LOXL1: variants seen among roughly 807,000 people sequenced by gnomAD.
The protein encoded by LOXL1 is lysyl oxidase homolog 1.
Under a neutral mutation model 62.2 loss-of-function variants are expected in LOXL1, and 31 were observed. The ratio of observed to expected loss-of-function variants is 0.50; its 90% CI spans 0.37 to 0.67. The LOEUF is 0.67. LOXL1 is among the 30% of genes least tolerant of loss of function. The pLI, the probability that LOXL1 is intolerant of heterozygous loss-of-function variation, is 0.00. For synonymous variants in LOXL1, 403 were observed against 384.4 expected (o/e 1.05, Z -0.56); for missense variants, 775 against 843.4 (o/e 0.92, Z 1.00).
At chr15:73,942,771 C>T (rs2068723263) in intron 1 of LOXL1, 83 bp from the exon 2 acceptor site, 1 of 841,146 alleles carries the variant, frequency 1.2e-6, no homozygotes, top group African/African-American at 1.7e-5. Context: ...GAGGAGGTCT[C>T]TGGGCATTAG....
chr15:73,943,177 G>T (rs2141633550), intron 2 of LOXL1, among the ~76,000 whole-genome samples: 1 of 152,312 alleles, frequency 6.6e-6, no homozygotes, highest in African/African-American at 2.4e-5. Flanking sequence ...CAGCATTTCT[G>T]TATACTGTAC....
chr15:73,947,139 G>A lies in LOXL1; in HGVS notation c.1422G>A (p.Glu474=), dbSNP rs1319513018. Reference sequence around the variant, plus strand: ...CAGCCACAGGCAAGAAGGTGGCCGAGGGCCACAAGGCCAGTTTCTGCCTGG... The same window carrying A: ...CAGCCACAGGCAAGAAGGTGGCCGAAGGCCACAAGGCCAGTTTCTGCCTGG... The part of the protein sequence containing the change: ...LDAATGKKVA[E]GHKASFCLED... The change falls in exon 4 of 7, where the codon GAG becomes GAA. Residue 474 remains glutamate, a synonymous_variant. Transcript: ENST00000261921. The A allele has an allele frequency of 1.2e-6, 2 of 1,613,802 alleles. No individual in the cohort carries two copies. The highest frequency in any genetic ancestry group is 2.2e-5 in the South Asian group (2 of 91,052).
chr15:73,951,266 G>C (rs886251249), intron 6 of LOXL1, among the ~76,000 whole-genome samples: 1 of 152,190 alleles, frequency 6.6e-6, no homozygotes, highest in South Asian at 2.1e-4. Context: ...CAGCCTGCGC[G>C]GCCCTCCCAG....
rs962265490 is a variant in LOXL1, at chr15:73,952,024, T to C, written c.*187T>C. 1.9e-5 allele frequency: 8 copies of C among 424,872 alleles called. No homozygotes were observed. Among genetic ancestry groups the C allele is most frequent in the Non-Finnish European group, 3.3e-5 (8 of 241,196 alleles). 26.3% of individuals were successfully genotyped at this position (424,872 alleles called of 1,614,324 possible). A position where few individuals can be genotyped will look rare whatever the true frequency, so the allele number is the denominator to read the frequency against. On this transcript the variant is annotated 3_prime_UTR_variant, in exon 7 of 7. Transcript: ENST00000261921. ...CGGACGCCAGACCCCATTTTATACT[T>C]CACTTTTCTCTACAGTGTTGTTTTG... is the stretch of plus-strand genomic sequence containing the variant.
At chr15:73,929,003 C>G (rs562724175) in intron 1 of LOXL1, among the ~76,000 whole-genome samples, 17 of 152,306 alleles carry the variant, frequency 1.1e-4, no homozygotes, top group Admixed American at 9.1e-4. Flanking sequence ...TTGGGAAGGC[C>G]CAAGCCCTCT....
intron 1 of LOXL1, among the ~76,000 whole-genome samples, chr15:73,938,831 T>C (rs752725345): frequency 5.3e-5 from 8 of 152,088 alleles, no homozygotes; most frequent in Non-Finnish European, 1.0e-4. Flanking sequence ...CAGTTAGCCA[T>C]GTTCACGCCA....
chr15:73,927,542 G>T lies in LOXL1; in HGVS notation c.759G>T (p.Pro253=). The T allele has an allele frequency of 6.8e-7, 1 of 1,479,548 alleles. No individual in the cohort carries two copies. The highest frequency in any genetic ancestry group is 8.9e-7 in the Non-Finnish European group (1 of 1,120,704). 91.7% of individuals were successfully genotyped at this position (1,479,548 alleles called of 1,614,324 possible). A position where few individuals can be genotyped will look rare whatever the true frequency, so the allele number is the denominator to read the frequency against. The part of the protein sequence containing the change: ...LPEYPPQGFY[P]APERPYVPPP... Reference sequence around the variant, plus strand: ...AGTACCCGCCTCAGGGCTTCTACCCGGCCCCCGAGAGGCCCTACGTGCCGC... The same window carrying T: ...AGTACCCGCCTCAGGGCTTCTACCCTGCCCCCGAGAGGCCCTACGTGCCGC... The change falls in exon 1 of 7, where the codon CCG becomes CCT. Residue 253 remains proline (P), a synonymous_variant. Transcript: ENST00000261921.
At chr15:73,936,574 A>G (rs570658905) in intron 1 of LOXL1, among the ~76,000 whole-genome samples, 1 of 152,352 alleles carries the variant, frequency 6.6e-6, no homozygotes, top group East Asian at 1.9e-4. Context: ...GGCTCAAGAG[A>G]TTAGGGCTCT....
At chr15:73,931,922 G>A (rs918712814) in intron 1 of LOXL1, among the ~76,000 whole-genome samples, 1 of 152,178 alleles carries the variant, frequency 6.6e-6, no homozygotes, top group Non-Finnish European at 1.5e-5. Context: ...CCACTTCCTG[G>A]GCTTACTGAC....
intron 1 of LOXL1, among the ~76,000 whole-genome samples, chr15:73,932,411 A>G (rs1428786081): frequency 6.6e-6 from 1 of 152,156 alleles, no homozygotes; most frequent in East Asian, 1.9e-4. Context: ...AAATTTATAT[A>G]TTATTGCTTA....
intron 1 of LOXL1, among the ~76,000 whole-genome samples, chr15:73,933,687 G>A (rs1043587564): frequency 3.3e-5 from 5 of 152,242 alleles, no homozygotes; most frequent in Non-Finnish European, 5.9e-5. Flanking sequence ...TTTCTAAGCT[G>A]GGAACACATG....
chr15:73,944,709 C>G (rs2068736270), intron 2 of LOXL1, among the ~76,000 whole-genome samples: 1 of 152,248 alleles, frequency 6.6e-6, no homozygotes, highest in Non-Finnish European at 1.5e-5. Context: ...TGTGGCCAAG[C>G]TGGGCCTAGA....
rs1595849046 is a variant in LOXL1, at chr15:73,947,317, T to G, written c.1506+94T>G. 2.2e-6 allele frequency: 3 copies of G among 1,377,334 alleles called. No individual in the cohort carries two copies. In the East Asian group the frequency reaches 7.0e-5, roughly 32 times the overall value. 85.3% of individuals were successfully genotyped at this position (1,377,334 alleles called of 1,614,324 possible). On this transcript the variant is annotated intron_variant, in intron 4 of 6. Coordinates refer to ENST00000261921, the MANE Select transcript of LOXL1 (RefSeq NM_005576.4). ...GCTGAGGCCCGGCAAGTGCCAAGGCTTCTGGCCACTCAGCTCTGCTCACAG... is the reference window on the plus strand; with the variant it reads ...GCTGAGGCCCGGCAAGTGCCAAGGCGTCTGGCCACTCAGCTCTGCTCACAG...
intron 2 of LOXL1, among the ~76,000 whole-genome samples, chr15:73,944,724 A>AGACCCTT: frequency 6.6e-6 from 1 of 152,358 alleles, no homozygotes; most frequent in African/African-American, 2.4e-5. Flanking sequence ...CCTAGAACCT[A>AGACCCTT]GACCCTTATG....
intron 2 of LOXL1, among the ~76,000 whole-genome samples, chr15:73,944,136 A>C (rs1404370906): frequency 2.0e-5 from 3 of 152,218 alleles, no homozygotes; most frequent in Non-Finnish European, 4.4e-5. Flanking sequence ...AGTACCACTC[A>C]GCCAGCCTGT....
In LOXL1 at chr15:73,927,431, G is replaced by C; in HGVS notation, c.648G>C (p.Ala216=). ...RPAGGGVGAG[A]AAVASAGVIY... ...CGGGCGGCGGCGTGGGCGCGGGGGCGGCGGCCGTGGCCTCGGCGGGGGTCA... is the reference window on the plus strand; with the variant it reads ...CGGGCGGCGGCGTGGGCGCGGGGGCCGCGGCCGTGGCCTCGGCGGGGGTCA... The change falls in exon 1 of 7, where the codon GCG becomes GCC. Residue 216 remains alanine, a synonymous_variant. Transcript: ENST00000261921. 2 of 1,474,388 alleles carry C rather than the reference G, an allele frequency of 1.4e-6. No homozygotes were observed. Among genetic ancestry groups the C allele is most frequent in the Non-Finnish European group, 1.8e-6 (2 of 1,113,738 alleles). The allele number at this position is 1,474,388 out of a possible 1,614,324, so 91.3% of individuals were successfully genotyped here.
intron 6 of LOXL1, among the ~76,000 whole-genome samples, chr15:73,950,898 T>G (rs1327827594): frequency 6.6e-6 from 1 of 152,232 alleles, no homozygotes; most frequent in Non-Finnish European, 1.5e-5. Flanking sequence ...ATTAGGTTCC[T>G]CATGAGTAGA....
At chr15:73,949,894 A>G (rs969621942) in intron 6 of LOXL1, among the ~76,000 whole-genome samples, 1 of 152,204 alleles carries the variant, frequency 6.6e-6, no homozygotes, top group Non-Finnish European at 1.5e-5. Context: ...CTTCCTCGCT[A>G]TGTGACATTG....
chr15:73,934,018 T>G (rs1170436645), intron 1 of LOXL1, among the ~76,000 whole-genome samples: 2 of 152,278 alleles, frequency 1.3e-5, no homozygotes, highest in Admixed American at 6.5e-5. Context: ...GCAGTACCAC[T>G]TGGAAATGGG....
Sources: allele counts gnomAD v4.1 joint callset (sites outside exome capture counted in the v4.1 genomes callset), GRCh38; gene constraint gnomAD v4.1.1; transcripts MANE v1.5; gene names NCBI Gene and HGNC (gene_info 2026-07-23, HGNC 2026-07-21).